The following BAHCC1 variants were observed in gnomAD, a reference collection of about 807,000 sequenced individuals.
BAHCC1 encodes the protein BAH domain and coiled-coil containing 1.
A neutral mutation model predicts 88.2 loss-of-function variants in BAHCC1; 43 were observed. The observed-to-expected ratio is 0.49, with a 90% CI of 0.38 to 0.63. The LOEUF is 0.63. Among genes scored for constraint, BAHCC1 ranks in the 20% least tolerant of loss-of-function variants. The pLI is 0.00. For missense variants in BAHCC1, 3,023 were observed against 1,654.8 expected (o/e 1.83, Z -14.34); for synonymous variants, 1,510 against 745.5 (o/e 2.03, Z -16.71).
intron 2 of BAHCC1, among the ~76,000 whole-genome samples, chr17:81,405,736 C>G (rs1334581161): frequency 6.6e-6 from 1 of 152,142 alleles, no homozygotes; most frequent in Non-Finnish European, 1.5e-5. Context: ...CTTCTGGGCC[C>G]CCCGGTCTGG....
At chr17:81,441,188 A>G (rs998469702) in intron 4 of BAHCC1, among the ~76,000 whole-genome samples, 4 of 152,098 alleles carry the variant, frequency 2.6e-5, no homozygotes, top group African/African-American at 9.7e-5. Flanking sequence ...GGAGCTGAAC[A>G]TGGGGGCAGA....
At chr17:81,400,055 C>CGGG (rs2063794516) in intron 2 of BAHCC1, 138 bp downstream of exon 2, 1 of 771,388 alleles carries the variant, frequency 1.3e-6, no homozygotes. Flanking sequence ...GGGCGCTGAG[C>CGGG]GGGGCCGCGC....
intron 2 of BAHCC1, among the ~76,000 whole-genome samples, chr17:81,409,054 A>C (rs781937941): frequency 6.6e-6 from 1 of 152,348 alleles, no homozygotes; most frequent in African/African-American, 2.4e-5. Flanking sequence ...ACTCTGGGAA[A>C]ACTAAGTTAG....
intron 15 of BAHCC1, 123 bp from the exon 16 acceptor site, chr17:81,456,174 C>T (rs1447027738): frequency 8.3e-6 from 5 of 599,470 alleles, no homozygotes; most frequent in East Asian, 5.9e-5. Flanking sequence ...CCCTGTGGAT[C>T]GAGGGCAGGG....
rs781889298 is a variant in BAHCC1, at chr17:81,461,546, G to A, written c.6883G>A (p.Glu2295Lys). ...DSDCHSSFSD[E>K]DEDGPGLAAG... ...CGACTGCCACAGCTCCTTCTCGGACGAGGACGAGGACGGGCCGGGGCTGGC... is the reference window on the plus strand; with the variant it reads ...CGACTGCCACAGCTCCTTCTCGGACAAGGACGAGGACGGGCCGGGGCTGGC... The change falls in exon 26 of 28, where the codon GAG becomes AAG. Residue 2295 changes from glutamate (E) to lysine (K), a missense_variant. By Grantham distance (56) the Glu-to-Lys change is moderately conservative. Transcript: ENST00000675386. 2.2e-5 allele frequency: 16 copies of A among 725,974 alleles called. No individual in the cohort carries two copies. Among genetic ancestry groups the A allele is most frequent in the South Asian group, 2.9e-5 (2 of 68,230 alleles). The allele number at this position is 725,974 out of a possible 1,614,324, so 45.0% of individuals were successfully genotyped here. A position where few individuals can be genotyped will look rare whatever the true frequency, so the allele number is the denominator to read the frequency against.
chr17:81,442,989 A>G lies in BAHCC1; in HGVS notation c.1640A>G (p.Gln547Arg). ...GAQKVARIRH[Q>R]QHLMAAEVEQ... ...CAGAAGGTGGCCCGCATCAGGCACC[A>G]GCAGCACTTGATGGCCGCCGAGGTG... Residue 547 changes from glutamine to arginine, a missense_variant, in exon 5 of 28, where the codon CAG becomes CGG. Transcript: ENST00000675386. 1.3e-6 allele frequency: 1 copy of G among 778,974 alleles called. No individual in the cohort carries two copies. The highest frequency in any genetic ancestry group is 2.4e-5 in the East Asian group (1 of 41,204). 48.3% of individuals were successfully genotyped at this position (778,974 alleles called of 1,614,324 possible). A position where few individuals can be genotyped will look rare whatever the true frequency, so the allele number is the denominator to read the frequency against.
intron 23 of BAHCC1, among the ~76,000 whole-genome samples, chr17:81,459,876 G>A (rs1048136134): frequency 6.6e-6 from 1 of 152,148 alleles, no homozygotes; most frequent in East Asian, 1.9e-4. Flanking sequence ...GAGTACGTCA[G>A]GGGGCACCAG....
chr17:81,453,489 A>T (rs906632366), intron 14 of BAHCC1, among the ~76,000 whole-genome samples: 4 of 152,214 alleles, frequency 2.6e-5, no homozygotes, highest in Admixed American at 2.0e-4. Flanking sequence ...ACAGGCAAAA[A>T]ATTAATCTCA....
In BAHCC1 at chr17:81,462,004, G is replaced by A. The variant is rs781911681; in HGVS notation, c.7341G>A (p.Leu2447=). ...ACCGGCCAAAGATCTCAGCCTTCCT[G>A]CCCGCCCGGCAGCTCTGGAAGTGGT... ...VENRPKISAF[L]PARQLWKWSG... Residue 2447 remains leucine, a synonymous_variant, in exon 26 of 28, where the codon CTG becomes CTA. Transcript: ENST00000675386. 2.6e-6 allele frequency: 2 copies of A among 778,248 alleles called. No homozygotes were observed. The highest frequency in any genetic ancestry group is 2.7e-5 in the South Asian group (2 of 74,244). The allele number at this position is 778,248 out of a possible 1,614,324, so 48.2% of individuals were successfully genotyped here. A position where few individuals can be genotyped will look rare whatever the true frequency, so the allele number is the denominator to read the frequency against.
intron 2 of BAHCC1, among the ~76,000 whole-genome samples, chr17:81,422,504 C>T (rs2064127548): frequency 6.6e-6 from 1 of 152,222 alleles, no homozygotes; most frequent in African/African-American, 2.4e-5. Flanking sequence ...CTTGGTGAGG[C>T]TGGTCAGGTG....
chr17:81,444,505 C>A lies in BAHCC1; in HGVS notation c.2449C>A (p.Pro817Thr). The A allele has an allele frequency of 1.4e-6, 1 of 701,136 alleles. No individual in the cohort carries two copies. The highest frequency in any genetic ancestry group is 2.6e-6 in the Non-Finnish European group (1 of 381,304). The allele number at this position is 701,136 out of a possible 1,614,324, so 43.4% of individuals were successfully genotyped here. A position where few individuals can be genotyped will look rare whatever the true frequency, so the allele number is the denominator to read the frequency against. The change falls in exon 7 of 28, where the codon CCC becomes ACC. Residue 817 changes from proline to threonine, a missense_variant. Physicochemically the swap from Pro to Thr is conservative, Grantham distance 38 (BLOSUM62 -1). Coordinates refer to ENST00000675386, the MANE Select transcript of BAHCC1 (RefSeq NM_001377448.1). Reference protein sequence around the residue: ...LGGDPAPHTHPHPPWLPRTRS... With the variant: ...LGGDPAPHTHTHPPWLPRTRS... ...CGGGGACCCAGCCCCCCACACCCAC[C>A]CCCATCCCCCCTGGCTGCCCCGCAC...
intron 4 of BAHCC1, among the ~76,000 whole-genome samples, chr17:81,439,779 C>T (rs1325130261): frequency 6.6e-6 from 1 of 152,100 alleles, no homozygotes; most frequent in Non-Finnish European, 1.5e-5. Flanking sequence ...CTGAAGGGAA[C>T]AGAGGGAGGG....
chr17:81,442,378 G>A lies in BAHCC1; in HGVS notation c.1029G>A (p.Met343Ile). 2 of 704,194 alleles carry A rather than the reference G, an allele frequency of 2.8e-6. No individual in the cohort carries two copies. Among genetic ancestry groups the A allele is most frequent in the East Asian group, 5.4e-5 (2 of 37,156 alleles). The allele number at this position is 704,194 out of a possible 1,614,324, so 43.6% of individuals were successfully genotyped here. A position where few individuals can be genotyped will look rare whatever the true frequency, so the allele number is the denominator to read the frequency against. ...GCGAGTGCCTGGAGCGGCGGCAGATGCTACACCACACCGCATCCTACGCCG... is the reference window on the plus strand; with the variant it reads ...GCGAGTGCCTGGAGCGGCGGCAGATACTACACCACACCGCATCCTACGCCG... ...AFSECLERRQ[M>I]LHHTASYAGP... The change falls in exon 5 of 28, where the codon ATG (methionine) becomes ATA (isoleucine). Residue 343 changes from methionine (M) to isoleucine (I), a missense_variant. Transcript: ENST00000675386.
intron 2 of BAHCC1, among the ~76,000 whole-genome samples, chr17:81,408,152 T>C (rs903016384): frequency 2.0e-4 from 30 of 152,222 alleles, no homozygotes; most frequent in Non-Finnish European, 4.0e-4. Flanking sequence ...GGCCTTGCCC[T>C]TTCCTGAGCT....
rs551151059 is a variant in BAHCC1 at position 81,435,461 on chromosome 17, T to C, written c.359-2909T>C. ...CCAGGCTCCGAGGGCACCAGCAGCCTGTGTCCTGACCACCTCTCTGGCGGT... is the reference window on the plus strand; with the variant it reads ...CCAGGCTCCGAGGGCACCAGCAGCCCGTGTCCTGACCACCTCTCTGGCGGT... On this transcript the variant is annotated intron_variant, in intron 3 of 27. Transcript: ENST00000675386. This position sits in a 1 kb window ranked among gnomAD's most constrained non-coding sequence, Gnocchi z 4.4. 321 of 470,906 alleles carry C rather than the reference T, an allele frequency of 6.8e-4. 6 individuals carry two copies. Among genetic ancestry groups the C allele is most frequent in the South Asian group, 4.8e-3 (313 of 64,564 alleles). 29.2% of individuals were successfully genotyped at this position (470,906 alleles called of 1,614,324 possible).
intron 2 of BAHCC1, among the ~76,000 whole-genome samples, chr17:81,409,482 G>A (rs1417050766): frequency 6.6e-6 from 1 of 152,232 alleles, no homozygotes; most frequent in African/African-American, 2.4e-5. Context: ...AGCGGGCTCA[G>A]GGTGGGGGCC....
intron 6 of BAHCC1, 190 bp from the exon 7 acceptor site, chr17:81,444,191 G>A: frequency 1.6e-6 from 1 of 606,656 alleles, no homozygotes; most frequent in South Asian, 2.0e-5. Context: ...GCTGGAGCCT[G>A]GGGTTTTCCC....
Position 81,452,843 on chromosome 17 carries a change from G to T in BAHCC1, c.4437G>T (p.Lys1479Asn). Residue 1479 changes from lysine to asparagine, a missense_variant, in exon 14 of 28, where the codon AAG (lysine) becomes AAT (asparagine). By Grantham distance (94) the Lys-to-Asn change is moderately conservative. Transcript: ENST00000675386. Reference sequence around the variant, plus strand: ...GGCCGCTCCCCAGGAGCGATGGCAAGAAAGTCAAGTGAGTCCTGGGCACTG... The same window carrying T: ...GGCCGCTCCCCAGGAGCGATGGCAATAAAGTCAAGTGAGTCCTGGGCACTG... ...PTGPLPRSDG[K>N]KVKAVRTSLG... The T allele has an allele frequency of 1.3e-6, 1 of 746,010 alleles. No individual in the cohort carries two copies. The allele number at this position is 746,010 out of a possible 1,614,324, so 46.2% of individuals were successfully genotyped here. A position where few individuals can be genotyped will look rare whatever the true frequency, so the allele number is the denominator to read the frequency against.
intron 27 of BAHCC1, 84 bp from the exon 28 acceptor site, chr17:81,463,527 T>TGGGTGGGC: frequency 1.3e-6 from 1 of 750,662 alleles, no homozygotes; most frequent in South Asian, 1.4e-5. Flanking sequence ...TTACAGAGCA[T>TGGGTGGGC]GGGTGGGCGG....
Sources: allele counts gnomAD v4.1 joint callset (sites outside exome capture counted in the v4.1 genomes callset), GRCh38; gene constraint gnomAD v4.1.1; non-coding constraint Gnocchi (gnomAD v3.1); transcripts MANE v1.5; gene names NCBI Gene and HGNC (gene_info 2026-07-23, HGNC 2026-07-21).